Variants in DLGAP1 observed in about 807,000 individuals in gnomAD.
DLGAP1 encodes the protein disks large-associated protein 1.
DLGAP1 carries 11 observed loss-of-function variants against 90.8 expected under a neutral mutation model. The ratio of observed to expected loss-of-function variants is 0.12; its 90% CI spans 0.08 to 0.20. The LOEUF is 0.20. DLGAP1 is among the 10% of genes least tolerant of loss of function. The probability of loss-of-function intolerance (pLI) is 1.00; values close to 1 mark genes in which losing one functional copy is unlikely to be tolerated. For synonymous variants in DLGAP1, 558 were observed against 540.7 expected (o/e 1.03, Z -0.44); for missense variants, 1,050 against 1,333.8 (o/e 0.79, Z 3.31).
At chr18:3,826,176 G>A (rs576667445) in intron 4 of DLGAP1, among the ~76,000 whole-genome samples, 6 of 152,196 alleles carry the variant, frequency 3.9e-5, no homozygotes, top group African/African-American at 1.4e-4. Flanking sequence ...TGAGTACTAT[G>A]TTCATTATTT....
chr18:4,300,444 TAC>T (rs984782709), intron 1 of DLGAP1, among the ~76,000 whole-genome samples: 2 of 152,300 alleles, frequency 1.3e-5, no homozygotes, highest in East Asian at 3.9e-4. Context: ...CCACCCTATG[TAC>T]AGATACACCT....
intron 10 of DLGAP1, among the ~76,000 whole-genome samples, chr18:3,519,893 C>G (rs746574301): frequency 9.2e-5 from 14 of 152,128 alleles, no homozygotes; most frequent in Admixed American, 2.0e-4. Context: ...TTAAAAATTA[C>G]CCAGTCTTGA....
At chr18:3,522,849 A>G (rs769907171) in intron 10 of DLGAP1, among the ~76,000 whole-genome samples, 5 of 152,124 alleles carry the variant, frequency 3.3e-5, no homozygotes, top group Non-Finnish European at 5.9e-5. Context: ...AGCTGCAGTC[A>G]ACTAATTTTT....
intron 9 of DLGAP1, among the ~76,000 whole-genome samples, chr18:3,556,233 A>G (rs958050936): frequency 9.2e-5 from 14 of 152,280 alleles, no homozygotes; most frequent in Admixed American, 5.2e-4. Context: ...CACAGCCTCA[A>G]CTGATATCCA....
intron 2 of DLGAP1, among the ~76,000 whole-genome samples, chr18:4,041,355 A>T (rs531767201): frequency 6.6e-6 from 1 of 152,320 alleles, no homozygotes; most frequent in South Asian, 2.1e-4. Context: ...GGAGTAGAAA[A>T]TATTCCCAGG....
intron 1 of DLGAP1, among the ~76,000 whole-genome samples, chr18:4,397,070 T>G (rs1189574968): frequency 1.3e-5 from 2 of 152,162 alleles, no homozygotes; most frequent in Admixed American, 1.3e-4. Flanking sequence ...CAAGGCAGGG[T>G]GTTTAAACTC....
At chr18:3,535,739 A>G (rs2052331213) in intron 9 of DLGAP1, among the ~76,000 whole-genome samples, 1 of 144,918 alleles carries the variant, frequency 6.9e-6, no homozygotes, top group African/African-American at 2.6e-5. Context: ...AAAAAAAGAA[A>G]TGGGAAGAAA....
At chr18:3,657,757 C>T (rs13381610) in intron 7 of DLGAP1, among the ~76,000 whole-genome samples, 27,633 of 151,854 alleles carry the variant, frequency 0.18, 6,124 homozygotes, top group African/African-American at 0.53. Flanking sequence ...CGCCCGCCAC[C>T]GCACCCGGCT....
At chr18:3,897,200 A>T (rs1348608335) in intron 3 of DLGAP1, 1 of 152,174 alleles carries the variant, frequency 6.6e-6, no homozygotes, top group East Asian at 1.9e-4. Flanking sequence ...GATATCACAC[A>T]TTTCTGCCCC....
rs564672074 is a variant in DLGAP1 at position 4,266,450 on chromosome 18, G to A, written c.-266-115163C>T. On this transcript the variant is annotated intron_variant, in intron 1 of 12. Coordinates refer to ENST00000315677, the MANE Select transcript of DLGAP1 (RefSeq NM_004746.4). ...ACTCCTAGTGGGCTAAATCATTTTT[G>A]AAGGCCTCGCTAGATCAACGGGGAG... is the stretch of plus-strand genomic sequence containing the variant. Among the ~76,000 whole-genome samples, 91 of 152,300 alleles carry A rather than the reference G, an allele frequency of 6.0e-4. 1 individual carries two copies. The highest frequency in any genetic ancestry group is 1.4e-3 in the Admixed American group (21 of 15,304).
chr18:3,977,434 G>GGGTTTTTTTTT (rs767760816), intron 3 of DLGAP1, among the ~76,000 whole-genome samples: 19 of 95,340 alleles, frequency 2.0e-4, no homozygotes, highest in African/African-American at 7.5e-4. Flanking sequence ...TTTATTCTGT[G>GGGTTTTTTTTT]TTTTTTTTTT....
intron 9 of DLGAP1, among the ~76,000 whole-genome samples, chr18:3,546,254 C>T (rs985588803): frequency 4.6e-5 from 7 of 151,832 alleles, no homozygotes; most frequent in East Asian, 1.9e-4. Flanking sequence ...GAAACGCCTT[C>T]GCTACAAAAA....
intron 1 of DLGAP1, among the ~76,000 whole-genome samples, chr18:4,270,193 G>A (rs1598773283): frequency 6.6e-6 from 1 of 152,206 alleles, no homozygotes; most frequent in East Asian, 1.9e-4. Flanking sequence ...ATACAGGGTG[G>A]TTTCATTCGC....
chr18:4,155,535 G>C (rs1362746260), intron 1 of DLGAP1, among the ~76,000 whole-genome samples: 1 of 152,134 alleles, frequency 6.6e-6, no homozygotes, highest in Non-Finnish European at 1.5e-5. Flanking sequence ...TATATTTTCT[G>C]AATGTAAAGA....
chr18:4,230,881 G>A (rs1482295013), intron 1 of DLGAP1, among the ~76,000 whole-genome samples: 3 of 151,564 alleles, frequency 2.0e-5, no homozygotes, highest in Admixed American at 2.0e-4. Context: ...TGTCATGTAT[G>A]CCATAAATAG....
Position 4,400,172 on chromosome 18 carries a change from T to G in DLGAP1, c.-267+54834A>C, listed in dbSNP as rs144827586. 4.5e-3 allele frequency among the ~76,000 whole-genome samples: 684 copies of G among 152,186 alleles called. 7 individuals carry two copies. The highest frequency in any genetic ancestry group is 0.016 in the African/African-American group (647 of 41,538). On this transcript the variant is annotated intron_variant, in intron 1 of 12. Coordinates refer to ENST00000315677, the MANE Select transcript of DLGAP1 (RefSeq NM_004746.4). Reference sequence around the variant, plus strand: ...TCCACCTGCAGCACGCCCCTGAGCATCTGCCTGCACTCCCCATCTCCCCAG... The same window carrying G: ...TCCACCTGCAGCACGCCCCTGAGCAGCTGCCTGCACTCCCCATCTCCCCAG...
intron 3 of DLGAP1, among the ~76,000 whole-genome samples, chr18:3,913,360 G>T (rs1831592623): frequency 1.3e-5 from 2 of 152,124 alleles, no homozygotes; most frequent in Non-Finnish European, 2.9e-5. Flanking sequence ...AGTGTTATAG[G>T]ATTACAGACG....
intron 1 of DLGAP1, among the ~76,000 whole-genome samples, chr18:4,278,353 A>T (rs2079465716): frequency 6.6e-6 from 1 of 152,196 alleles, no homozygotes; most frequent in African/African-American, 2.4e-5. Flanking sequence ...TACATTGAGC[A>T]ATGGTACAGT....
At chr18:4,032,812 A>G (rs538601521) in intron 2 of DLGAP1, among the ~76,000 whole-genome samples, 1 of 152,332 alleles carries the variant, frequency 6.6e-6, no homozygotes, top group African/African-American at 2.4e-5. Context: ...ATTGTTCTCA[A>G]TAGAGTGCAA....
Sources: gnomAD v4.1 joint callset for allele counts (sites outside exome capture counted in the v4.1 genomes callset) on GRCh38, gnomAD v4.1.1 for gene constraint, MANE v1.5 for transcripts, NCBI Gene and HGNC (gene_info 2026-07-23, HGNC 2026-07-21) for gene names.